The following ZNF254 variants were observed in gnomAD, a reference collection of about 807,000 sequenced individuals.
ZNF254 encodes the protein zinc finger protein 254.
ZNF254 carries 10 observed loss-of-function variants against 12.4 expected under a neutral mutation model. The ratio of observed to expected loss-of-function variants is 0.80; its 90% CI spans 0.50 to 1.36. ZNF254 has a LOEUF of 1.36. Ranked by LOEUF, ZNF254 falls within the 40% of genes most tolerant of loss-of-function variation. ZNF254 has a pLI of 0.00. For missense variants in ZNF254, 996 were observed against 763.9 expected (o/e 1.30, Z -3.58); for synonymous variants, 305 against 253.4 (o/e 1.20, Z -1.93).
intron 1 of ZNF254, chr19:24,033,697 C>A: frequency 3.5e-6 from 1 of 287,048 alleles, no homozygotes; most frequent in South Asian, 2.7e-5. Context: ...CGTCACCGCT[C>A]CCGGGTTTCC....
rs1296036419 is a variant in ZNF254 at position 24,129,243 on chromosome 19, TATTA to T, written c.*1267_*1270del. The T allele has an allele frequency of 6.6e-6, 1 of 152,072 alleles. No individual in the cohort carries two copies. Among genetic ancestry groups the T allele is most frequent in the East Asian group, 1.9e-4 (1 of 5,202 alleles). The allele number at this position is 152,072 out of a possible 1,614,324, so 9.4% of individuals were successfully genotyped here. A position where few individuals can be genotyped will look rare whatever the true frequency, so the allele number is the denominator to read the frequency against. ...AAATTAAGTTAGTCATATGTTATTT[TATTA>T]ATTGTACTTCTATGAAATAATATGC... On this transcript the variant is annotated 3_prime_UTR_variant, in exon 4 of 4. Transcript: ENST00000357002.
chr19:24,051,873 A>G (rs1223949353), intron 2 of ZNF254, among the ~76,000 whole-genome samples: 1 of 151,922 alleles, frequency 6.6e-6, no homozygotes, highest in Non-Finnish European at 1.5e-5. Context: ...TTTTTTACAT[A>G]TAGTTGGGCC....
chr19:24,109,541 T>A (rs368551482), intron 3 of ZNF254, among the ~76,000 whole-genome samples: 1 of 152,194 alleles, frequency 6.6e-6, no homozygotes, highest in Admixed American at 6.5e-5. Context: ...TCTGTTTGTA[T>A]ACTTTAAGTC....
Position 24,076,310 on chromosome 19 carries a change from C to A in ZNF254, c.-93-29630C>A, listed in dbSNP as rs533542543. On this transcript the variant is annotated intron_variant, in intron 2 of 4. Coordinates refer to the ZNF254 transcript ENST00000613065. ...ATGAATTTGGGGAACTAATAAATGT[C>A]CATGAAATCTTCACAATTTATATTC... Among the ~76,000 whole-genome samples the A allele has an allele frequency of 1.0e-3, 158 of 152,310 alleles. 1 individual carries two copies. Among genetic ancestry groups the A allele is most frequent in the African/African-American group, 3.4e-3 (141 of 41,576 alleles).
intron 1 of ZNF254, among the ~76,000 whole-genome samples, chr19:24,091,311 TAAAG>T (rs1457008421): frequency 1.6e-4 from 15 of 93,494 alleles, no homozygotes; most frequent in Admixed American, 2.9e-4. Context: ...AGGAAAAAAA[TAAAG>T]AAAAAAAAAA....
chr19:24,056,629 T>C (rs1970867548), intron 2 of ZNF254, among the ~76,000 whole-genome samples: 1 of 152,174 alleles, frequency 6.6e-6, no homozygotes, highest in Admixed American at 6.5e-5. Flanking sequence ...GAGCATCAAC[T>C]ATTTGATGTG....
chr19:24,125,334 A>T, intron 3 of ZNF254, among the ~76,000 whole-genome samples: 2 of 116,790 alleles, frequency 1.7e-5, no homozygotes, highest in South Asian at 2.6e-4. Flanking sequence ...CATTTTTCTG[A>T]TTTTCCATAG....
intron 1 of ZNF254, among the ~76,000 whole-genome samples, chr19:24,039,210 G>A (rs1005743069): frequency 6.6e-6 from 1 of 152,184 alleles, no homozygotes; most frequent in African/African-American, 2.4e-5. Flanking sequence ...AACAAGACAG[G>A]GCCAGGCTTT....
chr19:24,089,636 G>A (rs1054611591), intron 1 of ZNF254, among the ~76,000 whole-genome samples: 1 of 152,000 alleles, frequency 6.6e-6, no homozygotes, highest in African/African-American at 2.4e-5. Context: ...GAAAATCTGA[G>A]GTATTGAGTG....
upstream of ZNF254, among the ~76,000 whole-genome samples, chr19:24,082,728 C>G (rs1005081275): frequency 6.6e-6 from 1 of 150,834 alleles, no homozygotes; most frequent in African/African-American, 2.4e-5. Flanking sequence ...AGCTTTGCCC[C>G]GACCACCTTG....
upstream of ZNF254, among the ~76,000 whole-genome samples, chr19:24,086,472 AT>A (rs938399719): frequency 3.3e-5 from 5 of 150,682 alleles, no homozygotes; most frequent in South Asian, 2.1e-4. Flanking sequence ...TGCCCAGCTA[AT>A]TTTTTTTTCT....
intron 2 of ZNF254, among the ~76,000 whole-genome samples, chr19:24,069,461 T>C (rs1362076545): frequency 1.3e-5 from 2 of 148,402 alleles, no homozygotes; most frequent in Non-Finnish European, 3.0e-5. Context: ...ATAAGAACTC[T>C]CCAGGCGTGG....
chr19:24,054,163 CTG>C (rs1412966126), intron 2 of ZNF254, among the ~76,000 whole-genome samples: 1 of 152,168 alleles, frequency 6.6e-6, no homozygotes, highest in African/African-American at 2.4e-5. Flanking sequence ...TGATGTGACT[CTG>C]TTGCCTGTGC....
chr19:24,125,243 T>C (rs1166886465), intron 3 of ZNF254, among the ~76,000 whole-genome samples: 1 of 150,710 alleles, frequency 6.6e-6, no homozygotes, highest in African/African-American at 2.4e-5. Context: ...TTTTTACTTT[T>C]AGGATCTGTC....
At chr19:24,077,100 G>C (rs1971685604) in intron 2 of ZNF254, among the ~76,000 whole-genome samples, 1 of 152,108 alleles carries the variant, frequency 6.6e-6, no homozygotes, top group African/African-American at 2.4e-5. Context: ...GATTCACTGA[G>C]CCAGGCTAAA....
rs1157899428 is a variant in ZNF254, at chr19:24,127,357, AAG to A, written c.1361_1362del (p.Arg454AsnfsTer4). ...FIWSSTLTKH[K>X]RIHTREKPYK... ...CTGGTCCTCAACCCTTACTAAACAT[AAG>A]AGAATTCATACTAGAGAGAAACCCT... On this transcript the variant is annotated frameshift_variant, in exon 4 of 4. Coordinates refer to ENST00000357002, the MANE Select transcript of ZNF254 (RefSeq NM_203282.4). LOFTEE classifies it low-confidence loss of function (END_TRUNC). 3.1e-6 allele frequency: 5 copies of A among 1,613,658 alleles called. No homozygotes were observed. Among genetic ancestry groups the A allele is most frequent in the Non-Finnish European group, 2.5e-6 (3 of 1,179,816 alleles).
intron 1 of ZNF254, among the ~76,000 whole-genome samples, chr19:24,089,112 G>A (rs1972211686): frequency 6.6e-6 from 1 of 151,710 alleles, no homozygotes; most frequent in Non-Finnish European, 1.5e-5. Flanking sequence ...TAGTAACTGG[G>A]ATTATAGGCA....
At chr19:24,105,430 C>A in intron 1 of ZNF254, 1 of 263,836 alleles carries the variant, frequency 3.8e-6, no homozygotes, top group Non-Finnish European at 7.2e-6. Flanking sequence ...CTTTTGGGGC[C>A]AAAACATTGG....
chr19:24,088,964 CTTT>C (rs74175785), intron 1 of ZNF254, among the ~76,000 whole-genome samples: 7 of 99,288 alleles, frequency 7.1e-5, no homozygotes, highest in Non-Finnish European at 1.3e-4. Flanking sequence ...GCCAATTAAT[CTTT>C]TTTTTTTTTT....
Sources: allele counts gnomAD v4.1 joint callset (sites outside exome capture counted in the v4.1 genomes callset), GRCh38; gene constraint gnomAD v4.1.1; transcripts MANE v1.5; gene names NCBI Gene and HGNC (gene_info 2026-07-23, HGNC 2026-07-21).